TRMT11: variants seen among roughly 807,000 people sequenced by gnomAD.
TRMT11 encodes the protein tRNA (guanine(10)-N(2))-methyltransferase TRMT11.
In TRMT11, 53 loss-of-function variants were observed where a neutral mutation model predicts 62.8. That is an observed-to-expected ratio of 0.84 (90% CI 0.68 to 1.06). The LOEUF is 1.06. Ranked by LOEUF, TRMT11 falls within the 50% of genes least tolerant of loss-of-function variation. TRMT11 has a pLI of 0.00. For synonymous variants in TRMT11, 188 were observed against 190.3 expected (o/e 0.99, Z 0.10); for missense variants, 556 against 553.4 (o/e 1.00, Z -0.05).
chr6:126,046,509 C>T (rs140685968), intron 16 of TRMT11, among the ~76,000 whole-genome samples: 52 of 152,342 alleles, frequency 3.4e-4, no homozygotes, highest in African/African-American at 1.2e-3. Flanking sequence ...TTTCTCCCTC[C>T]ACCTTTAACC....
At chr6:126,199,283 G>A (rs1778708378) in intron 2 of TRMT11, among the ~76,000 whole-genome samples, 1 of 152,198 alleles carries the variant, frequency 6.6e-6, no homozygotes, top group African/African-American at 2.4e-5. Context: ...AAGCATCTAT[G>A]TGTATACTTA....
chr6:126,261,058 A>C, the TRMT11 span, among the ~76,000 whole-genome samples: 1 of 152,200 alleles, frequency 6.6e-6, no homozygotes, highest in Non-Finnish European at 1.5e-5. Context: ...AAACTACTAT[A>C]ATGAGAAAGT....
intron 17 of TRMT11, among the ~76,000 whole-genome samples, chr6:126,093,607 A>G (rs1269135427): frequency 1.1e-5 from 1 of 92,460 alleles, no homozygotes; most frequent in Non-Finnish European, 2.0e-5. Context: ...ATATATATAT[A>G]TATATATATA....
At chr6:126,016,336 C>T (rs1350016580) in intron 11 of TRMT11, among the ~76,000 whole-genome samples, 2 of 152,134 alleles carry the variant, frequency 1.3e-5, no homozygotes, top group Non-Finnish European at 2.9e-5. Flanking sequence ...CAAATTGTCC[C>T]AGATTTGACC....
chr6:126,118,042 G>A (rs1418497104), intron 21 of TRMT11, among the ~76,000 whole-genome samples: 1 of 152,110 alleles, frequency 6.6e-6, no homozygotes, highest in African/African-American at 2.4e-5. Flanking sequence ...TGATTATTGA[G>A]TTATCTTTCT....
At position 126,038,912 on chromosome 6, in the gene TRMT11, G is replaced by A; in HGVS notation, c.*76G>A. 8.0e-7 allele frequency: 1 copy of A among 1,252,884 alleles called. No individual in the cohort carries two copies. Among genetic ancestry groups the A allele is most frequent in the Non-Finnish European group, 1.1e-6 (1 of 910,274 alleles). The allele number at this position is 1,252,884 out of a possible 1,614,324, so 77.6% of individuals were successfully genotyped here. A position where few individuals can be genotyped will look rare whatever the true frequency, so the allele number is the denominator to read the frequency against. ...CATCTGGATGTGAACTTTCATGTAT[G>A]ATCCAGAAAATAGGTACGGTTTTAA... On this transcript the variant is annotated 3_prime_UTR_variant, in exon 13 of 13. Transcript: ENST00000334379.
At chr6:126,016,807 T>G (rs1234059029) in intron 11 of TRMT11, among the ~76,000 whole-genome samples, 1 of 152,124 alleles carries the variant, frequency 6.6e-6, no homozygotes, top group African/African-American at 2.4e-5. Flanking sequence ...CCTGAGTTTT[T>G]GGCCCCTGGA....
intron 21 of TRMT11, among the ~76,000 whole-genome samples, chr6:126,147,801 G>A (rs1777990615): frequency 6.6e-6 from 1 of 151,850 alleles, no homozygotes. Flanking sequence ...GCAACTAGAT[G>A]CAAGATTAGG....
chr6:126,196,896 T>A (rs916644760), intron 1 of TRMT11, among the ~76,000 whole-genome samples: 8 of 152,186 alleles, frequency 5.3e-5, no homozygotes, highest in African/African-American at 1.4e-4. Flanking sequence ...TTTCTGATAT[T>A]ATCTACCTCA....
At chr6:126,247,479 A>ATCTATCTATCTATCTG in the TRMT11 span, among the ~76,000 whole-genome samples, 28 of 148,832 alleles carry the variant, frequency 1.9e-4, no homozygotes, top group African/African-American at 6.9e-4. Context: ...CTATCTATCT[A>ATCTATCTATCTATCTG]TCTATCTATC....
chr6:126,012,782 A>G lies in TRMT11; in HGVS notation c.937A>G (p.Ile313Val), dbSNP rs1250703780. The change falls in exon 10 of 13, where the codon ATC (isoleucine) becomes GTC (valine). Residue 313 changes from isoleucine to valine, a missense_variant. Coordinates refer to ENST00000334379, the MANE Select transcript of TRMT11 (RefSeq NM_001031712.3). ...DAIITDPPYG[I>V]RESTRRTGSQ... ...TGTTTTCTGTCTAGCTCCATATGGT[A>G]TCAGAGAATCTACAAGAAGAACAGG... is the stretch of plus-strand genomic sequence containing the variant. 1.2e-6 allele frequency: 2 copies of G among 1,613,506 alleles called. No homozygotes were observed. Among genetic ancestry groups the G allele is most frequent in the Non-Finnish European group, 8.5e-7 (1 of 1,179,494 alleles).
the TRMT11 span, among the ~76,000 whole-genome samples, chr6:126,268,662 C>G: frequency 2.6e-5 from 4 of 152,122 alleles, no homozygotes; most frequent in African/African-American, 9.7e-5. Context: ...CACTCCCAAA[C>G]CTTGTTAAAA....
At chr6:126,247,918 T>C in the TRMT11 span, among the ~76,000 whole-genome samples, 3 of 152,080 alleles carry the variant, frequency 2.0e-5, no homozygotes, top group South Asian at 2.1e-4. Context: ...ATGAAGAGCA[T>C]ACAATTGAAG....
intron 11 of TRMT11, among the ~76,000 whole-genome samples, chr6:126,019,438 A>G (rs1014357657): frequency 5.3e-5 from 8 of 152,094 alleles, no homozygotes; most frequent in African/African-American, 1.7e-4. Context: ...TTGATTGATA[A>G]ATTTGCTTTT....
At chr6:126,012,342 A>G (rs1794340484) in intron 9 of TRMT11, among the ~76,000 whole-genome samples, 1 of 152,166 alleles carries the variant, frequency 6.6e-6, no homozygotes, top group Non-Finnish European at 1.5e-5. Flanking sequence ...GTATTTACTA[A>G]GAATAAAGAT....
At chr6:126,124,442 T>G (rs1562328246) in intron 21 of TRMT11, among the ~76,000 whole-genome samples, 1 of 152,132 alleles carries the variant, frequency 6.6e-6, no homozygotes, top group Non-Finnish European at 1.5e-5. Context: ...CAATTCTGCA[T>G]GCGTCCTTGT....
chr6:125,998,361 C>T, intron 5 of TRMT11, 46 bp downstream of exon 5: 1 of 1,374,798 alleles, frequency 7.3e-7, no homozygotes, highest in Non-Finnish European at 1.0e-6. Flanking sequence ...TGAATGCAGT[C>T]TGGCCATTGT....
chr6:126,225,760 G>A, the TRMT11 span, among the ~76,000 whole-genome samples: 1 of 142,150 alleles, frequency 7.0e-6, no homozygotes, highest in Admixed American at 7.3e-5. Context: ...GCGCGATCTC[G>A]GCTCATTGCA....
intron 17 of TRMT11, among the ~76,000 whole-genome samples, chr6:126,101,539 A>G (rs1170181597): frequency 1.3e-5 from 2 of 152,214 alleles, no homozygotes; most frequent in Non-Finnish European, 2.9e-5. Flanking sequence ...AGTTGTAGAG[A>G]TGGAATTCAA....
Sources: gnomAD v4.1 joint callset for allele counts (sites outside exome capture counted in the v4.1 genomes callset) on GRCh38, gnomAD v4.1.1 for gene constraint, MANE v1.5 for transcripts, NCBI Gene and HGNC (gene_info 2026-07-23, HGNC 2026-07-21) for gene names.